Variants in ZNF692 observed in about 807,000 individuals in gnomAD.
ZNF692 encodes zinc finger protein 692.
A neutral mutation model predicts 49.0 loss-of-function variants in ZNF692; 41 were observed. The ratio of observed to expected loss-of-function variants is 0.84; its 90% CI spans 0.65 to 1.08. ZNF692 has a LOEUF of 1.08. Ranked by LOEUF, ZNF692 falls within the 50% of genes least tolerant of loss-of-function variation. ZNF692 has a pLI of 0.00. For missense variants in ZNF692, 662 were observed against 662.2 expected (o/e 1.00, Z 0.00); for synonymous variants, 288 against 251.5 (o/e 1.15, Z -1.37).
Position 248,858,703 on chromosome 1 carries a change from G to C in ZNF692, c.-13+215C>G. ...CGGCCTTTACTGGTTTCTAGGGGAA[G>C]GAAAGGTCGTGTCCTGGCGTGCAGC... On this transcript the variant is annotated intron_variant, in intron 1 of 11. Coordinates refer to ENST00000306601, the MANE Select transcript of ZNF692 (RefSeq NM_017865.4). The surrounding 1 kb of genome is among the most constrained non-coding windows in gnomAD (Gnocchi z 4.3). 1.3e-6 allele frequency: 1 copy of C among 770,280 alleles called. No homozygotes were observed. The highest frequency in any genetic ancestry group is 2.7e-5 in the East Asian group (1 of 37,258). 47.7% of individuals were successfully genotyped at this position (770,280 alleles called of 1,614,324 possible).
In ZNF692 at chr1:248,858,803, C is replaced by A. The variant is rs1395544938; in HGVS notation, c.-13+115G>T. Reference sequence around the variant, plus strand: ...AGGTCTGGAGGGCGCCCCCCATCCACCCCGTCTTGGGCACCCCCACTTAAT... The same window carrying A: ...AGGTCTGGAGGGCGCCCCCCATCCAACCCGTCTTGGGCACCCCCACTTAAT... On this transcript the variant is annotated intron_variant, in intron 1 of 11. Coordinates refer to ENST00000306601, the MANE Select transcript of ZNF692 (RefSeq NM_017865.4). This position sits in a 1 kb window ranked among gnomAD's most constrained non-coding sequence, Gnocchi z 4.3. 8 of 579,010 alleles carry A rather than the reference C, an allele frequency of 1.4e-5. No individual in the cohort carries two copies. The highest frequency in any genetic ancestry group is 2.5e-5 in the Non-Finnish European group (8 of 322,938). 35.9% of individuals were successfully genotyped at this position (579,010 alleles called of 1,614,324 possible). A position where few individuals can be genotyped will look rare whatever the true frequency, so the allele number is the denominator to read the frequency against.
chr1:248,857,610 A>G (rs1660393674), intron 3 of ZNF692, 113 bp from the exon 4 acceptor site: 3 of 1,498,290 alleles, frequency 2.0e-6, no homozygotes, highest in African/African-American at 2.8e-5. Context: ...CCTCAGCCCC[A>G]GTCCAATTTA....
At position 248,855,865 on chromosome 1, in the gene ZNF692, T is replaced by C. The variant is rs772520912; in HGVS notation, c.741A>G (p.Ala247=). 2 of 1,614,078 alleles carry C rather than the reference T, an allele frequency of 1.2e-6. No individual in the cohort carries two copies. Among genetic ancestry groups the C allele is most frequent in the Non-Finnish European group, 1.7e-6 (2 of 1,180,050 alleles). The change falls in exon 7 of 12, where the codon GCA becomes GCG. Residue 247 remains alanine, a synonymous_variant. Transcript: ENST00000306601. ...PKEGETPPAP[A]ALSSPLAVPA... is the part of the protein sequence containing the mutation. ...GCACAGCAAGAGGACTGGAGAGTGC[T>C]GCAGGGGCTGGTGGTGTCTCCCCCT... is the stretch of plus-strand genomic sequence containing the variant.
rs765631812 is a variant in ZNF692 at position 248,857,265 on chromosome 1, A to T, written c.444T>A (p.Cys148Ter). Residue 148 changes from cysteine (C) to a stop codon, truncating the protein, a stop_gained, in exon 4 of 12, where the codon TGT becomes TGA. Coordinates refer to ENST00000306601, the MANE Select transcript of ZNF692 (RefSeq NM_017865.4). LOFTEE classifies it high-confidence loss of function. Reference sequence around the variant, plus strand: ...GCTCCTGCCCACTCGTGGCCTCGGAACACCAACTTCTCCGAGTAGTATGTG... The same window carrying T: ...GCTCCTGCCCACTCGTGGCCTCGGATCACCAACTTCTCCGAGTAGTATGTG... Reference protein sequence around the residue: ...SLPHTTRRSWCSEATSGQELA... With the variant: ...SLPHTTRRSW The T allele has an allele frequency of 6.2e-7, 1 of 1,614,078 alleles. No homozygotes were observed. The highest frequency in any genetic ancestry group is 1.7e-5 in the Admixed American group (1 of 60,010).
In ZNF692 at chr1:248,850,485, T is replaced by C; in HGVS notation, c.1285A>G (p.Lys429Glu). The C allele has an allele frequency of 6.2e-7, 1 of 1,611,152 alleles. No homozygotes were observed. The highest frequency in any genetic ancestry group is 8.5e-7 in the Non-Finnish European group (1 of 1,178,286). ...CEICGFTCRQ[K>E]ASLNWHQRKH... The stretch of plus-strand genomic sequence containing the variant: ...CGCTGGTGCCAGTTCAGGGAAGCCT[T>C]CTGGCGGCAGGTAAACCCGCATATC... Residue 429 changes from lysine to glutamate, a missense_variant, in exon 12 of 12, where the codon AAG (lysine) becomes GAG (glutamate). Transcript: ENST00000306601.
chr1:248,857,439 G>A lies in ZNF692; in HGVS notation c.270C>T (p.His90=), dbSNP rs773716519. The change falls in exon 4 of 12, where the codon CAC becomes CAT. Residue 90 remains histidine, a synonymous_variant. Coordinates refer to ENST00000306601, the MANE Select transcript of ZNF692 (RefSeq NM_017865.4). ...CGGGCACCAGGCTGCACTCTCGGCT[G>A]TGGGCATGAGACAAGAGCACCAGAT... is the stretch of plus-strand genomic sequence containing the variant. The part of the protein sequence containing the change: ...LQYLVLLSHA[H]SRECSLVPGL... 2.5e-6 allele frequency: 4 copies of A among 1,614,018 alleles called. No individual in the cohort carries two copies. Among genetic ancestry groups the A allele is most frequent in the African/African-American group, 2.7e-5 (2 of 74,920 alleles).
At position 248,853,977 on chromosome 1, in the gene ZNF692, G is replaced by A; in HGVS notation, c.1113C>T (p.Asn371=). ...CPEPACGKSF[N]FKKHLKEHMK... ...TGTGCTCCTTCAGGTGTTTCTTAAA[G>A]TTGAAAGACTTCCCACAGGCTGGCT... Residue 371 remains asparagine, a synonymous_variant, in exon 10 of 12, where the codon AAC becomes AAT. Transcript: ENST00000306601. 1 of 1,614,214 alleles carries A rather than the reference G, an allele frequency of 6.2e-7. No homozygotes were observed. The highest frequency in any genetic ancestry group is 8.5e-7 in the Non-Finnish European group (1 of 1,180,014).
chr1:248,854,159 TG>T (rs1659945087), intron 9 of ZNF692, 108 bp from the exon 10 acceptor site: 2 of 774,524 alleles, frequency 2.6e-6, no homozygotes, highest in Non-Finnish European at 4.4e-6. Context: ...GTCCCCTTCC[TG>T]GCCCCTGTGC....
At chr1:248,853,619 C>A (rs530790224) in intron 10 of ZNF692, among the ~76,000 whole-genome samples, 74 of 152,360 alleles carry the variant, frequency 4.9e-4, no homozygotes, top group African/African-American at 1.6e-3. Flanking sequence ...TCCTTATGCT[C>A]TCCTCCTTTC....
At chr1:248,852,964 T>C (rs1482032919) in intron 10 of ZNF692, among the ~76,000 whole-genome samples, 2 of 152,194 alleles carry the variant, frequency 1.3e-5, no homozygotes, top group Admixed American at 1.3e-4. Flanking sequence ...GATCTCCACA[T>C]TCACATCTCC....
chr1:248,856,398 G>A lies in ZNF692; in HGVS notation c.549C>T (p.Thr183=). Residue 183 remains threonine, a synonymous_variant, in exon 6 of 12, where the codon ACC becomes ACT. Coordinates refer to ENST00000306601, the MANE Select transcript of ZNF692 (RefSeq NM_017865.4). ...LPRRVGPPPE[T]FPPPGEEEGE... ...CCTCTTCCTCTCCTGGAGGTGGGAA[G>A]GTCTCTGGTGGGGGTCCCACCCTCC... The A allele has an allele frequency of 6.2e-7, 1 of 1,613,050 alleles. No homozygotes were observed. Among genetic ancestry groups the A allele is most frequent in the Non-Finnish European group, 8.5e-7 (1 of 1,179,344 alleles).
intron 5 of ZNF692, 41 bp from the exon 6 acceptor site, chr1:248,856,463 C>A: frequency 6.2e-7 from 1 of 1,614,232 alleles, no homozygotes; most frequent in Non-Finnish European, 8.5e-7. Context: ...CCTGCTCCCT[C>A]ATCCTCCCAC....
At chr1:248,857,209 A>C in intron 4 of ZNF692, 25 bp downstream of exon 4, 1 of 1,598,652 alleles carries the variant, frequency 6.3e-7, no homozygotes, top group Non-Finnish European at 8.5e-7. Flanking sequence ...CCTTTTCTCC[A>C]TAACTCTGCT....
intron 3 of ZNF692, 138 bp from the exon 4 acceptor site, chr1:248,857,635 C>T: frequency 6.8e-7 from 1 of 1,473,626 alleles, no homozygotes; most frequent in Non-Finnish European, 9.0e-7. Context: ...TCTTCAGAAC[C>T]TAGACACACT....
chr1:248,855,830 G>A lies in ZNF692; in HGVS notation c.776C>T (p.Ser259Leu), dbSNP rs756789831. ...AGCTCTGGAACTCAATGAGGATGCT[G>A]ACAAGGCCGGCACAGCAAGAGGACT... ...LSSPLAVPALSASSLSSRAPP... is the reference protein window; with the variant it reads ...LSSPLAVPALLASSLSSRAPP... The change falls in exon 7 of 12, where the codon TCA (serine) becomes TTA (leucine). Residue 259 changes from serine to leucine, a missense_variant. Physicochemically the swap from Ser to Leu is moderately radical, Grantham distance 145 (BLOSUM62 -2). Transcript: ENST00000306601. 99 of 1,614,112 alleles carry A rather than the reference G, an allele frequency of 6.1e-5. No individual in the cohort carries two copies. Among genetic ancestry groups the A allele is most frequent in the Non-Finnish European group, 8.2e-5 (97 of 1,180,058 alleles).
At chr1:248,855,346 A>G in intron 9 of ZNF692, 34 bp downstream of exon 9, 2 of 1,609,782 alleles carry the variant, frequency 1.2e-6, no homozygotes, top group Non-Finnish European at 1.7e-6. Context: ...CCCCCACCCC[A>G]GCAGCCACAC....
intron 9 of ZNF692, 48 bp downstream of exon 9, chr1:248,855,332 C>G: frequency 1.3e-6 from 2 of 1,594,818 alleles, no homozygotes; most frequent in Non-Finnish European, 1.7e-6. Flanking sequence ...TCTTTTAGCC[C>G]TTTCCCCCAC....
At chr1:248,856,221 G>T in intron 6 of ZNF692, 67 bp downstream of exon 6, 1 of 1,528,760 alleles carries the variant, frequency 6.5e-7, no homozygotes. Flanking sequence ...AGTCTGCAAA[G>T]CCATGAACTG....
chr1:248,852,919 CATTTAT>C (rs761610594), intron 10 of ZNF692, among the ~76,000 whole-genome samples: 3 of 152,158 alleles, frequency 2.0e-5, no homozygotes, highest in Non-Finnish European at 4.4e-5. Context: ...ATGACCCACA[CATTTAT>C]ATTTATATTT....
Sources: allele counts gnomAD v4.1 joint callset (sites outside exome capture counted in the v4.1 genomes callset), GRCh38; gene constraint gnomAD v4.1.1; non-coding constraint Gnocchi (gnomAD v3.1); transcripts MANE v1.5; gene names NCBI Gene and HGNC (gene_info 2026-07-23, HGNC 2026-07-21).